Variants in ANKRD11 observed in about 807,000 individuals in gnomAD.
ANKRD11 encodes the protein ankyrin repeat domain-containing protein 11.
In ANKRD11, 17 loss-of-function variants were observed where a neutral mutation model predicts 195.7. The observed-to-expected ratio is 0.09, with a 90% CI of 0.06 to 0.13. The LOEUF (loss-of-function observed/expected upper bound fraction) is 0.13, where lower values mean the gene tolerates loss of function less well. ANKRD11 is among the 10% of genes least tolerant of loss of function. The pLI is 1.00. For synonymous variants in ANKRD11, 1,953 were observed against 1,528.1 expected, an observed-to-expected ratio of 1.28 and a Z score of -6.49; for missense variants, 3,735 against 3,566.1, an observed-to-expected ratio of 1.05 and a Z score of -1.21.
chr16:89,270,616 A>T, intron 12 of ANKRD11: 1 of 627,936 alleles, frequency 1.6e-6, no homozygotes, highest in Non-Finnish European at 2.9e-6. Context: ...AGAAGGGAAG[A>T]CTGAGGAGGC....
At position 89,279,845 on chromosome 16, in the gene ANKRD11, C is replaced by T; in HGVS notation, c.6697G>A (p.Gly2233Arg). 2 of 1,550,114 alleles carry T rather than the reference C, an allele frequency of 1.3e-6. No individual in the cohort carries two copies. The highest frequency in any genetic ancestry group is 1.7e-6 in the Non-Finnish European group (2 of 1,149,204). Residue 2233 changes from glycine to arginine, a missense_variant, in exon 9 of 13, where the codon GGG becomes AGG. Physicochemically the swap from Gly to Arg is moderately radical, Grantham distance 125. Transcript: ENST00000301030. This position sits in a 1 kb window ranked among gnomAD's most constrained non-coding sequence, Gnocchi z 5.6. ...GGCTCCACGCTGGAGTCCGGATCCC[C>T]ACGGGCCCTCTCTTCCGGCACCGTC... ...AETVPEERAR[G>R]DPDSSVEPAP...
intron 1 of ANKRD11, among the ~76,000 whole-genome samples, chr16:89,432,950 CTCT>C (rs2043051089): frequency 3.6e-5 from 2 of 55,994 alleles, no homozygotes; most frequent in African/African-American, 1.2e-4. Flanking sequence ...CCCTATCTCT[CTCT>C]CTCTCTCTCT....
chr16:89,377,277 G>C (rs947005222), intron 2 of ANKRD11, among the ~76,000 whole-genome samples: 1 of 152,180 alleles, frequency 6.6e-6, no homozygotes, highest in Non-Finnish European at 1.5e-5. Context: ...GGGAGAGAGA[G>C]AGAGAGAGCA....
chr16:89,419,183 G>A (rs1294584265), intron 1 of ANKRD11, among the ~76,000 whole-genome samples: 1 of 152,076 alleles, frequency 6.6e-6, no homozygotes, highest in African/African-American at 2.4e-5. Context: ...CATGCATGGT[G>A]GCTCACGCCT....
chr16:89,304,885 C>T (rs571742438), intron 4 of ANKRD11, among the ~76,000 whole-genome samples: 8 of 152,364 alleles, frequency 5.3e-5, no homozygotes, highest in Non-Finnish European at 1.2e-4. Flanking sequence ...GTCTCCCTCC[C>T]GTGTCCAGCT....
chr16:89,482,319 G>A (rs554469462), intron 1 of ANKRD11, among the ~76,000 whole-genome samples: 4 of 152,112 alleles, frequency 2.6e-5, no homozygotes, highest in Admixed American at 6.5e-5. Flanking sequence ...ATGTGTGAAC[G>A]GTCAGTCACA....
At chr16:89,276,149 G>A (rs568383612) in intron 9 of ANKRD11, among the ~76,000 whole-genome samples, 2 of 152,196 alleles carry the variant, frequency 1.3e-5, no homozygotes, top group Non-Finnish European at 2.9e-5. Context: ...GCACAAGAGG[G>A]AGACCAGGAA....
rs2035985352 is a variant in ANKRD11 at position 89,303,718 on chromosome 16, C to T, written c.226+1488G>A. ...TACTGTGAGCACATCCCTGGAGCACCCCACATAGGACAGGAGGGGCCACAG... is the reference window on the plus strand; with the variant it reads ...TACTGTGAGCACATCCCTGGAGCACTCCACATAGGACAGGAGGGGCCACAG... On this transcript the variant is annotated intron_variant, in intron 4 of 12. Transcript: ENST00000301030. 5.9e-5 allele frequency among the ~76,000 whole-genome samples: 9 copies of T among 152,206 alleles called. No individual in the cohort carries two copies. The South Asian group carries it at 1.9e-3, about 31-fold the overall frequency.
intron 2 of ANKRD11, among the ~76,000 whole-genome samples, chr16:89,377,268 GGA>G (rs141718850): frequency 6.6e-6 from 1 of 150,488 alleles, no homozygotes. Flanking sequence ...TGTCAACATG[GGA>G]GAGAGAGAGA....
intron 9 of ANKRD11, chr16:89,278,140 T>G (rs962812080): frequency 2.2e-5 from 6 of 275,348 alleles, no homozygotes; most frequent in Admixed American, 1.0e-4. Flanking sequence ...GGGAGGAGAC[T>G]CCAGGGAAGA....
intron 3 of ANKRD11, among the ~76,000 whole-genome samples, chr16:89,306,951 C>G (rs1197275130): frequency 6.6e-6 from 1 of 152,140 alleles, no homozygotes; most frequent in Non-Finnish European, 1.5e-5. Context: ...CGGTGCGACA[C>G]ACACAGCGCT....
chr16:89,331,481 T>C (rs1481131779), intron 2 of ANKRD11, among the ~76,000 whole-genome samples: 1 of 152,188 alleles, frequency 6.6e-6, no homozygotes, highest in Admixed American at 6.5e-5. Context: ...AGAATCTTAG[T>C]GTGTAGACCC....
chr16:89,286,699 T>G (rs896095305), intron 7 of ANKRD11: 1 of 1,251,324 alleles, frequency 8.0e-7, no homozygotes, highest in African/African-American at 1.6e-5. Context: ...TCATTTACAT[T>G]AGAAAATAAT....
chr16:89,285,003 G>A lies in ANKRD11; in HGVS notation c.1539C>T (p.Ser513=), dbSNP rs751400770. ...KGSPLVLKDP[S]LFSSLSASST... ...AGGAGGCAGAGAGGGAGCTGAACAG[G>A]GAGGGGTCCTTCAGCACCAGCGGGG... is the stretch of plus-strand genomic sequence containing the variant. Residue 513 remains serine (S), a synonymous_variant, in exon 9 of 13, where the codon TCC becomes TCT. Transcript: ENST00000301030. This position sits in a 1 kb window ranked among gnomAD's most constrained non-coding sequence, Gnocchi z 5.6. The A allele has an allele frequency of 5.0e-6, 8 of 1,613,974 alleles. No individual in the cohort carries two copies. The highest frequency in any genetic ancestry group is 1.6e-4 in the Middle Eastern group (1 of 6,084).
At chr16:89,350,433 T>C (rs1206266191) in intron 2 of ANKRD11, among the ~76,000 whole-genome samples, 1 of 152,152 alleles carries the variant, frequency 6.6e-6, no homozygotes, top group Non-Finnish European at 1.5e-5. Flanking sequence ...TATAACTGCT[T>C]ATTGGATGAA....
intron 4 of ANKRD11, among the ~76,000 whole-genome samples, chr16:89,295,985 C>CTTTTTTCTTTTTT (rs2035406672): frequency 2.2e-5 from 1 of 45,142 alleles, no homozygotes; most frequent in African/African-American, 1.1e-4. Flanking sequence ...ATCTGGCTGC[C>CTTTTTTCTTTTTT]TTTTTTTTTT....
chr16:89,378,733 C>A (rs1235641952), intron 2 of ANKRD11, among the ~76,000 whole-genome samples: 1 of 152,168 alleles, frequency 6.6e-6, no homozygotes, highest in Non-Finnish European at 1.5e-5. Flanking sequence ...GTGTGTGCCA[C>A]CATGCCTGGC....
Position 89,280,042 on chromosome 16 carries a change from G to T in ANKRD11, c.6500C>A (p.Pro2167His), listed in dbSNP as rs777253893. 1.2e-6 allele frequency: 2 copies of T among 1,612,902 alleles called. No homozygotes were observed. Among genetic ancestry groups the T allele is most frequent in the Non-Finnish European group, 1.7e-6 (2 of 1,179,964 alleles). ...GTTTATGACCCCGGGGGCCCCTGGA[G>T]GCATCTCTTCTGGAGGAGCAAGACT... is the stretch of plus-strand genomic sequence containing the variant. ...EESLAPPEEM[P>H]PGAPGVINGG... Residue 2167 changes from proline to histidine, a missense_variant, in exon 9 of 13, where the codon CCT (proline) becomes CAT (histidine). Pro to His is a moderately conservative substitution (Grantham distance 77, BLOSUM62 -2). Transcript: ENST00000301030.
In ANKRD11 at chr16:89,430,456, G is replaced by A. The variant is rs548654315; in HGVS notation, c.-144-12088C>T. On this transcript the variant is annotated intron_variant, in intron 1 of 12. Coordinates refer to ENST00000301030, the MANE Select transcript of ANKRD11 (RefSeq NM_013275.6). Reference sequence around the variant, plus strand: ...GGATTCTCAACTCTCACGCTCAGTCGTTCTAGTACACAGCAGGGACTCTCA... The same window carrying A: ...GGATTCTCAACTCTCACGCTCAGTCATTCTAGTACACAGCAGGGACTCTCA... Among the ~76,000 whole-genome samples, 201 of 149,834 alleles carry A rather than the reference G, an allele frequency of 1.3e-3. 5 individuals are homozygous for A. The highest frequency in any genetic ancestry group is 0.013 in the Admixed American group (192 of 15,056).
Sources: allele counts gnomAD v4.1 joint callset (sites outside exome capture counted in the v4.1 genomes callset), GRCh38; gene constraint gnomAD v4.1.1; non-coding constraint Gnocchi (gnomAD v3.1); transcripts MANE v1.5; gene names NCBI Gene and HGNC (gene_info 2026-07-23, HGNC 2026-07-21).